The following P2RY8 variants were observed in gnomAD, a reference collection of about 807,000 sequenced individuals.
P2RY8 encodes the protein S-geranylgeranyl-glutathione receptor P2RY8.
In P2RY8, 6 loss-of-function variants were observed where a neutral mutation model predicts 10.0. The ratio of observed to expected loss-of-function variants is 0.60; its 90% CI spans 0.33 to 1.19. The LOEUF (loss-of-function observed/expected upper bound fraction) is 1.19, where lower values mean the gene tolerates loss of function less well. Among genes scored for constraint, P2RY8 ranks in the 50% most tolerant of loss-of-function variants. The pLI, the probability that P2RY8 is intolerant of heterozygous loss-of-function variation, is 0.04. For synonymous variants in P2RY8, 276 were observed against 252.5 expected (o/e 1.09, Z -0.88); for missense variants, 456 against 542.0 (o/e 0.84, Z 1.58).
chrX:1,533,806 A>G (rs1569539010), intron 1 of P2RY8, among the ~76,000 whole-genome samples: 1 of 121,126 alleles, frequency 8.3e-6, no homozygotes, highest in Non-Finnish European at 1.6e-5. Flanking sequence ...ATATTCATAT[A>G]TTATTTATTA....
intron 1 of P2RY8, among the ~76,000 whole-genome samples, chrX:1,518,180 C>A (rs773428002): frequency 1.3e-5 from 2 of 151,436 alleles, no homozygotes; most frequent in African/African-American, 4.8e-5. Context: ...CATCTCAGCA[C>A]TTTGGGAGGC....
chrX:1,530,678 CTATT>C (rs2092468416), intron 1 of P2RY8, among the ~76,000 whole-genome samples: 1 of 150,690 alleles, frequency 6.6e-6, no homozygotes, highest in Non-Finnish European at 1.5e-5. Flanking sequence ...AATCTATCAT[CTATT>C]TAATCTATGC....
chrX:1,484,738 A>C, intron 1 of P2RY8, among the ~76,000 whole-genome samples: 1 of 139,310 alleles, frequency 7.2e-6, no homozygotes, highest in Non-Finnish European at 1.6e-5. Context: ...AAAAAAAAAA[A>C]AAAAAAAAAA....
chrX:1,520,876 C>T (rs2092385220), intron 1 of P2RY8, among the ~76,000 whole-genome samples: 1 of 151,668 alleles, frequency 6.6e-6, no homozygotes, highest in Non-Finnish European at 1.5e-5. Flanking sequence ...CCCTGGTTCC[C>T]AATAATTTCC....
At chrX:1,526,143 A>G (rs1569538764) in intron 1 of P2RY8, among the ~76,000 whole-genome samples, 1 of 151,118 alleles carries the variant, frequency 6.6e-6, no homozygotes, top group Non-Finnish European at 1.5e-5. Context: ...TCATGAATCC[A>G]TTCGTTCACT....
intron 1 of P2RY8, among the ~76,000 whole-genome samples, chrX:1,505,708 T>C (rs1440888298): frequency 6.6e-6 from 1 of 151,956 alleles, no homozygotes; most frequent in Non-Finnish European, 1.5e-5. Flanking sequence ...GAGAATCGCT[T>C]GAACCAGGGA....
intron 1 of P2RY8, among the ~76,000 whole-genome samples, chrX:1,481,086 G>A (rs1263080785): frequency 6.6e-6 from 1 of 151,936 alleles, no homozygotes; most frequent in Non-Finnish European, 1.5e-5. Flanking sequence ...AACAGATGAA[G>A]TACCGGAACT....
intron 1 of P2RY8, among the ~76,000 whole-genome samples, chrX:1,484,931 G>T (rs1295468272): frequency 2.1e-5 from 3 of 145,564 alleles, no homozygotes; most frequent in Non-Finnish European, 3.0e-5. Context: ...GACAAATAAA[G>T]ACAGGTGGAG....
At chrX:1,524,913 C>CCATT (rs1175772459) in intron 1 of P2RY8, among the ~76,000 whole-genome samples, 1 of 151,638 alleles carries the variant, frequency 6.6e-6, no homozygotes, top group Non-Finnish European at 1.5e-5. Context: ...ATCCATCCAT[C>CCATT]CATCCATCCA....
intron 1 of P2RY8, among the ~76,000 whole-genome samples, chrX:1,515,380 T>C (rs1331709805): frequency 7.3e-5 from 11 of 151,032 alleles, no homozygotes; most frequent in Admixed American, 2.6e-4. Context: ...TTCTTTCTTT[T>C]TTTTTTTTTT....
At chrX:1,470,719 A>G (rs1158396605) in intron 1 of P2RY8, among the ~76,000 whole-genome samples, 3 of 152,010 alleles carry the variant, frequency 2.0e-5, no homozygotes, top group African/African-American at 7.3e-5. Flanking sequence ...AAGTTCATCC[A>G]CGCTGCAGCC....
chrX:1,493,822 G>A (rs1408109012), intron 1 of P2RY8, among the ~76,000 whole-genome samples: 1 of 152,198 alleles, frequency 6.6e-6, no homozygotes, highest in Non-Finnish European at 1.5e-5. Flanking sequence ...CTGAAGATGT[G>A]CAAGAAGGGG....
intron 1 of P2RY8, among the ~76,000 whole-genome samples, chrX:1,509,099 G>GTATCTATGTATCTATC (rs2092266810): frequency 1.4e-5 from 2 of 138,308 alleles, no homozygotes; most frequent in South Asian, 4.6e-4. Flanking sequence ...ATGTATCTAT[G>GTATCTATGTATCTATC]TATCTATCTA....
Position 1,464,064 on chromosome X carries a change from G to A in P2RY8, c.*1415C>T, listed in dbSNP as rs1344711039. Reference sequence around the variant, plus strand: ...ACCAATAGAGGGCCTCCGAACAGCAGCTTCAGCCTCCATCAGCGTCCCCAG... The same window carrying A: ...ACCAATAGAGGGCCTCCGAACAGCAACTTCAGCCTCCATCAGCGTCCCCAG... On this transcript the variant is annotated 3_prime_UTR_variant, in exon 2 of 2. Transcript: ENST00000381297. The A allele has an allele frequency of 4.3e-6, 1 of 233,212 alleles. No individual in the cohort carries two copies. Among genetic ancestry groups the A allele is most frequent in the Admixed American group, 5.6e-5 (1 of 17,772 alleles). The allele number at this position is 233,212 out of a possible 1,614,324, so 14.4% of individuals were successfully genotyped here.
At chrX:1,473,759 G>A (rs1344389818) in intron 1 of P2RY8, among the ~76,000 whole-genome samples, 1 of 149,392 alleles carries the variant, frequency 6.7e-6, no homozygotes, top group African/African-American at 2.5e-5. Context: ...GAATGGATGG[G>A]GATGGGTAGA....
At chrX:1,481,451 AC>A (rs1343853510) in intron 1 of P2RY8, among the ~76,000 whole-genome samples, 4 of 152,200 alleles carry the variant, frequency 2.6e-5, no homozygotes, top group Admixed American at 1.3e-4. Context: ...GGCGTGAGCC[AC>A]CGTGCCCGGC....
At chrX:1,501,795 G>A (rs1396944794) in intron 1 of P2RY8, among the ~76,000 whole-genome samples, 1 of 151,642 alleles carries the variant, frequency 6.6e-6, no homozygotes, top group African/African-American at 2.4e-5. Flanking sequence ...GGGTTTCACC[G>A]TGTTAGCCAG....
At chrX:1,529,694 T>C (rs1233457650) in intron 1 of P2RY8, among the ~76,000 whole-genome samples, 1 of 152,118 alleles carries the variant, frequency 6.6e-6, no homozygotes, top group Admixed American at 6.6e-5. Context: ...ATATCTATCA[T>C]TTATCAATTT....
chrX:1,512,546 C>CAAAAAAAA (rs573449530), intron 1 of P2RY8, among the ~76,000 whole-genome samples: 1 of 97,062 alleles, frequency 1.0e-5, no homozygotes, highest in African/African-American at 4.3e-5. Context: ...GACTCCGTCT[C>CAAAAAAAA]AAAAAAAAAA....
Sources: allele counts gnomAD v4.1 joint callset (sites outside exome capture counted in the v4.1 genomes callset), GRCh38; gene constraint gnomAD v4.1.1; transcripts MANE v1.5; gene names NCBI Gene and HGNC (gene_info 2026-07-23, HGNC 2026-07-21).